Variants in RNGTT observed in about 807,000 individuals in gnomAD.
RNGTT encodes mRNA-capping enzyme.
RNGTT carries 33 observed loss-of-function variants against 79.3 expected under a neutral mutation model. The ratio of observed to expected loss-of-function variants is 0.42; its 90% CI spans 0.32 to 0.56. The LOEUF (loss-of-function observed/expected upper bound fraction) is 0.56. RNGTT is among the 20% of genes least tolerant of loss of function. The pLI is 0.17. For synonymous variants in RNGTT, 222 were observed against 235.9 expected (o/e 0.94, Z 0.54); for missense variants, 497 against 739.1 (o/e 0.67, Z 3.80).
chr6:88,929,877 CAT>C (rs1784433981), intron 2 of RNGTT, among the ~76,000 whole-genome samples: 2 of 141,544 alleles, frequency 1.4e-5, no homozygotes, highest in South Asian at 2.1e-4. Context: ...TGCATATATA[CAT>C]ACACACATAT....
chr6:88,815,223 C>T (rs1047836665), intron 11 of RNGTT, among the ~76,000 whole-genome samples: 1 of 152,188 alleles, frequency 6.6e-6, no homozygotes, highest in Admixed American at 6.5e-5. Flanking sequence ...CAAAAGCTTG[C>T]ATTAACTTCC....
chr6:88,891,979 T>C, intron 6 of RNGTT, 64 bp from the exon 7 acceptor site: 1 of 1,101,718 alleles, frequency 9.1e-7, no homozygotes, highest in Non-Finnish European at 1.3e-6. Flanking sequence ...CAAATTCATT[T>C]ACAAAGAAGA....
chr6:88,625,883 T>C (rs941933149), intron 14 of RNGTT, among the ~76,000 whole-genome samples: 2 of 151,968 alleles, frequency 1.3e-5, no homozygotes, highest in East Asian at 1.9e-4. Context: ...TCTAATAAAT[T>C]GTCTTAGTGT....
At chr6:88,963,206 G>T in intron 1 of RNGTT, 140 bp downstream of exon 1, 1 of 774,598 alleles carries the variant, frequency 1.3e-6, no homozygotes, top group South Asian at 1.7e-5. Context: ...ATTCATCCAC[G>T]AAGCGTAATC....
At chr6:88,618,876 C>T (rs977028009) in intron 14 of RNGTT, among the ~76,000 whole-genome samples, 4 of 152,148 alleles carry the variant, frequency 2.6e-5, no homozygotes, top group Non-Finnish European at 4.4e-5. Flanking sequence ...ATTATTCCTG[C>T]GGTGTTCTAA....
chr6:88,937,108 C>T (rs1342186073), intron 2 of RNGTT, among the ~76,000 whole-genome samples: 1 of 152,000 alleles, frequency 6.6e-6, no homozygotes, highest in African/African-American at 2.4e-5. Flanking sequence ...TTTAAGAGGC[C>T]GAAGCGGGCA....
At chr6:88,642,504 T>C (rs147462871) in intron 14 of RNGTT, among the ~76,000 whole-genome samples, 8 of 152,352 alleles carry the variant, frequency 5.3e-5, no homozygotes, top group African/African-American at 1.4e-4. Context: ...GACATTTCTA[T>C]AGAGGTTCTT....
intron 11 of RNGTT, among the ~76,000 whole-genome samples, chr6:88,811,977 T>C (rs1212545008): frequency 1.3e-4 from 20 of 152,208 alleles, no homozygotes; most frequent in Admixed American, 1.3e-3. Flanking sequence ...TGGTTTTCAA[T>C]CCCAAATTCT....
chr6:88,837,975 A>G (rs1474261399), intron 11 of RNGTT, among the ~76,000 whole-genome samples: 1 of 152,190 alleles, frequency 6.6e-6, no homozygotes, highest in African/African-American at 2.4e-5. Flanking sequence ...GAAAAATCCA[A>G]TAAGTAAAAA....
At position 88,906,223 on chromosome 6, in the gene RNGTT, A is replaced by G. The variant is rs973065644; in HGVS notation, c.443+142T>C. The G allele has an allele frequency of 4.9e-6, 3 of 617,590 alleles. No homozygotes were observed. In the African/African-American group the frequency reaches 5.6e-5, roughly 11 times the overall value. 38.3% of individuals were successfully genotyped at this position (617,590 alleles called of 1,614,324 possible). ...CCAAGTAATGGTAGTATAAAGATTAACCATATCTAAAATGAAAAGCAGTTC... is the reference window on the plus strand; with the variant it reads ...CCAAGTAATGGTAGTATAAAGATTAGCCATATCTAAAATGAAAAGCAGTTC... On this transcript the variant is annotated intron_variant, in intron 5 of 15. Coordinates refer to ENST00000369485, the MANE Select transcript of RNGTT (RefSeq NM_003800.5).
intron 11 of RNGTT, among the ~76,000 whole-genome samples, chr6:88,809,228 T>C (rs975038430): frequency 6.6e-5 from 10 of 151,904 alleles, no homozygotes; most frequent in African/African-American, 2.2e-4. Flanking sequence ...TAAAAAAAGC[T>C]TCAAAATAAA....
chr6:88,949,500 G>A (rs1368095579), intron 1 of RNGTT, among the ~76,000 whole-genome samples: 2 of 152,022 alleles, frequency 1.3e-5, no homozygotes, highest in East Asian at 3.9e-4. Flanking sequence ...CTGACCTCGT[G>A]ATCCACCCAC....
chr6:88,768,134 G>A (rs1401094672), intron 13 of RNGTT, among the ~76,000 whole-genome samples: 1 of 149,042 alleles, frequency 6.7e-6, no homozygotes, highest in African/African-American at 2.5e-5. Flanking sequence ...CAAACATTTA[G>A]GGATAGTGTG....
At position 88,842,948 on chromosome 6, in the gene RNGTT, G is replaced by A. The variant is rs116547112; in HGVS notation, c.1269+1409C>T. ...AAATTAGCTGGACATGGTAGTATGC[G>A]CCTGTAGTCCCAGCTACTCGGTAGG... is the stretch of plus-strand genomic sequence containing the variant. On this transcript the variant is annotated intron_variant, in intron 11 of 15. Coordinates refer to ENST00000369485, the MANE Select transcript of RNGTT (RefSeq NM_003800.5). Among the ~76,000 whole-genome samples the A allele has an allele frequency of 5.2e-3, 783 of 151,920 alleles. 5 individuals carry two copies. Among genetic ancestry groups the A allele is most frequent in the African/African-American group, 0.018 (727 of 41,444 alleles).
At chr6:88,819,666 T>C (rs1780437061) in intron 11 of RNGTT, among the ~76,000 whole-genome samples, 1 of 152,178 alleles carries the variant, frequency 6.6e-6, no homozygotes, top group Non-Finnish European at 1.5e-5. Context: ...CTACCATACA[T>C]GTGGACAATC....
At chr6:88,753,151 A>T (rs1463303869) in intron 13 of RNGTT, among the ~76,000 whole-genome samples, 2 of 152,196 alleles carry the variant, frequency 1.3e-5, no homozygotes, top group African/African-American at 4.8e-5. Flanking sequence ...CATAATGGAA[A>T]CATTCCTGTT....
At chr6:88,829,378 C>T (rs1228074024) in intron 11 of RNGTT, among the ~76,000 whole-genome samples, 1 of 152,046 alleles carries the variant, frequency 6.6e-6, no homozygotes, top group African/African-American at 2.4e-5. Context: ...GAAGGAAGCA[C>T]CAAATACGGA....
intron 11 of RNGTT, among the ~76,000 whole-genome samples, chr6:88,844,040 G>T (rs1781405443): frequency 6.6e-6 from 1 of 151,546 alleles, no homozygotes; most frequent in South Asian, 2.1e-4. Context: ...GTAGGAGCAG[G>T]CCTAATGATT....
chr6:88,717,658 C>T (rs146739988), intron 13 of RNGTT, among the ~76,000 whole-genome samples: 35 of 152,176 alleles, frequency 2.3e-4, no homozygotes, highest in Admixed American at 9.2e-4. Context: ...ACACCAGCAA[C>T]GCAAAAACGC....
Sources: allele counts gnomAD v4.1 joint callset (sites outside exome capture counted in the v4.1 genomes callset), GRCh38; gene constraint gnomAD v4.1.1; transcripts MANE v1.5; gene names NCBI Gene and HGNC (gene_info 2026-07-23, HGNC 2026-07-21).